The following CNTN5 variants were observed in gnomAD, a reference collection of about 807,000 sequenced individuals.
CNTN5 encodes contactin-5.
Under a neutral mutation model 129.1 loss-of-function variants are expected in CNTN5, and 77 were observed. The observed-to-expected ratio is 0.60, with a 90% CI of 0.50 to 0.72. The LOEUF (loss-of-function observed/expected upper bound fraction) is 0.72. Among genes scored for constraint, CNTN5 ranks in the 30% least tolerant of loss-of-function variants. The probability of loss-of-function intolerance (pLI) is 0.00; values close to 1 mark genes in which losing one functional copy is unlikely to be tolerated. For synonymous variants in CNTN5, 509 were observed against 465.6 expected (o/e 1.09, Z -1.20); for missense variants, 1,478 against 1,328.8 (o/e 1.11, Z -1.75).
At chr11:99,834,036 G>A (rs935381047) in intron 4 of CNTN5, among the ~76,000 whole-genome samples, 79 of 152,168 alleles carry the variant, frequency 5.2e-4, no homozygotes, top group African/African-American at 1.9e-3. Context: ...TCTCTTCATA[G>A]TTATCTGGTA....
chr11:100,040,767 C>G (rs1227809381), intron 9 of CNTN5, among the ~76,000 whole-genome samples: 2 of 152,306 alleles, frequency 1.3e-5, no homozygotes, highest in South Asian at 2.1e-4. Flanking sequence ...GCGTAGGACC[C>G]TCCTAGCCAA....
chr11:99,463,508 CATT>C (rs1944815145), intron 2 of CNTN5, among the ~76,000 whole-genome samples: 1 of 148,958 alleles, frequency 6.7e-6, no homozygotes, highest in African/African-American at 2.5e-5. Context: ...GAATTGAACT[CATT>C]ATACTTAAAA....
At chr11:100,151,592 C>G (rs763948891) in intron 13 of CNTN5, among the ~76,000 whole-genome samples, 1 of 152,094 alleles carries the variant, frequency 6.6e-6, no homozygotes, top group East Asian at 1.9e-4. Flanking sequence ...GGTTTCCCTA[C>G]GTTAATTTGA....
Position 99,916,046 on chromosome 11 carries a change from G to T in CNTN5, c.578-8G>T. 1 of 1,606,356 alleles carries T rather than the reference G, an allele frequency of 6.2e-7. No homozygotes were observed. Among genetic ancestry groups the T allele is most frequent in the Non-Finnish European group, 8.5e-7 (1 of 1,174,874 alleles). ...GCCTTGGATCTAAATGTTTTATTATGTTGACAGATCTGGGAAATTTTAGTG... is the reference window on the plus strand; with the variant it reads ...GCCTTGGATCTAAATGTTTTATTATTTTGACAGATCTGGGAAATTTTAGTG... On this transcript the variant is annotated splice_polypyrimidine_tract_variant and splice_region_variant and intron_variant, in intron 6 of 24. Coordinates refer to ENST00000524871, the MANE Select transcript of CNTN5 (RefSeq NM_014361.4).
chr11:100,253,322 A>T (rs1218872764), intron 16 of CNTN5, among the ~76,000 whole-genome samples: 2 of 152,146 alleles, frequency 1.3e-5, no homozygotes, highest in Non-Finnish European at 2.9e-5. Flanking sequence ...TTGAGCAAAT[A>T]ACTTCTCATT....
rs1952561580 is a variant in CNTN5 at position 100,357,929 on chromosome 11, G to A, written c.*1709G>A. The A allele has an allele frequency of 6.6e-6, 1 of 151,786 alleles. No individual in the cohort carries two copies. Among genetic ancestry groups the A allele is most frequent in the African/African-American group, 2.4e-5 (1 of 41,408 alleles). The allele number at this position is 151,786 out of a possible 1,614,324, so 9.4% of individuals were successfully genotyped here. On this transcript the variant is annotated 3_prime_UTR_variant, in exon 25 of 25. Coordinates refer to ENST00000524871, the MANE Select transcript of CNTN5 (RefSeq NM_014361.4). Reference sequence around the variant, plus strand: ...AAATTAGTTAAAAGACTCACTCAATGATATTATAGTAAATACTACAGATGG... The same window carrying A: ...AAATTAGTTAAAAGACTCACTCAATAATATTATAGTAAATACTACAGATGG...
At chr11:99,960,404 C>A in intron 8 of CNTN5, among the ~76,000 whole-genome samples, 1 of 151,876 alleles carries the variant, frequency 6.6e-6, no homozygotes, top group East Asian at 1.9e-4. Flanking sequence ...GCAGCAAATA[C>A]AATCTTATCT....
intron 3 of CNTN5, among the ~76,000 whole-genome samples, chr11:99,791,341 C>T (rs1297561468): frequency 6.6e-6 from 1 of 152,008 alleles, no homozygotes; most frequent in Non-Finnish European, 1.5e-5. Flanking sequence ...GAAAGGGGTC[C>T]AGTTTTGACC....
chr11:99,688,172 A>C (rs559963197), intron 3 of CNTN5, among the ~76,000 whole-genome samples: 1 of 152,236 alleles, frequency 6.6e-6, no homozygotes, highest in African/African-American at 2.4e-5. Context: ...GTAGTCATAT[A>C]GTAAATCAGC....
intron 21 of CNTN5, chr11:100,309,795 G>A (rs756079232): frequency 2.8e-5 from 18 of 644,500 alleles, no homozygotes; most frequent in Non-Finnish European, 3.1e-5. Flanking sequence ...GGAGGGACAC[G>A]TGCCTCCTCC....
chr11:99,575,816 TC>T (rs1565310888), intron 3 of CNTN5, among the ~76,000 whole-genome samples: 1 of 152,020 alleles, frequency 6.6e-6, no homozygotes, highest in Non-Finnish European at 1.5e-5. Context: ...GAAGGTAGTC[TC>T]CCCAGGGGTG....
intron 6 of CNTN5, among the ~76,000 whole-genome samples, chr11:99,894,828 AAACATCTAAATTTT>A (rs1181259503): frequency 1.3e-5 from 2 of 152,204 alleles, no homozygotes; most frequent in Non-Finnish European, 2.9e-5. Flanking sequence ...TTGGATTTAG[AAACATCTAAATTTT>A]ACCTTATGAA....
chr11:99,409,151 G>A (rs1280338122), intron 2 of CNTN5, among the ~76,000 whole-genome samples: 1 of 152,152 alleles, frequency 6.6e-6, no homozygotes, highest in Admixed American at 6.6e-5. Context: ...TCAAAAAAGA[G>A]TTATTAGTCA....
intron 1 of CNTN5, among the ~76,000 whole-genome samples, chr11:99,191,232 T>A (rs1007313228): frequency 3.3e-5 from 5 of 151,848 alleles, no homozygotes; most frequent in African/African-American, 1.2e-4. Context: ...TACTGTTAAA[T>A]TCAGTGAGAT....
chr11:99,056,011 G>A (rs190176505), intron 1 of CNTN5, among the ~76,000 whole-genome samples: 5 of 151,984 alleles, frequency 3.3e-5, no homozygotes, highest in Non-Finnish European at 7.4e-5. Context: ...AGGGCCTCGT[G>A]GCTTTAAACA....
chr11:99,060,339 T>G (rs1864821367), intron 1 of CNTN5, among the ~76,000 whole-genome samples: 1 of 152,100 alleles, frequency 6.6e-6, no homozygotes, highest in South Asian at 2.1e-4. Context: ...ATACAGAATT[T>G]TAAATGTGCA....
At chr11:99,712,490 C>T (rs767113492) in intron 3 of CNTN5, among the ~76,000 whole-genome samples, 1 of 152,012 alleles carries the variant, frequency 6.6e-6, no homozygotes, top group African/African-American at 2.4e-5. Flanking sequence ...TAATTATATC[C>T]CATTTGTCTA....
At chr11:100,303,455 C>A (rs1204781996) in intron 20 of CNTN5, among the ~76,000 whole-genome samples, 2 of 151,458 alleles carry the variant, frequency 1.3e-5, no homozygotes, top group Non-Finnish European at 3.0e-5. Flanking sequence ...TTCTTCTCAC[C>A]ATAACTTCGG....
At chr11:100,108,553 T>C (rs1347189021) in intron 13 of CNTN5, among the ~76,000 whole-genome samples, 1 of 152,108 alleles carries the variant, frequency 6.6e-6, no homozygotes, top group Non-Finnish European at 1.5e-5. Context: ...TTCTTAGTTC[T>C]GTCAAGATCC....
Sources: gnomAD v4.1 joint callset for allele counts (sites outside exome capture counted in the v4.1 genomes callset) on GRCh38, gnomAD v4.1.1 for gene constraint, MANE v1.5 for transcripts, NCBI Gene and HGNC (gene_info 2026-07-23, HGNC 2026-07-21) for gene names.